ERC2: variants seen among roughly 807,000 people sequenced by gnomAD.
The protein encoded by ERC2 is ERC protein 2.
A neutral mutation model predicts 114.8 loss-of-function variants in ERC2; 42 were observed. That is an observed-to-expected ratio of 0.37 (90% confidence interval 0.29 to 0.47). ERC2 has a LOEUF of 0.47. Ranked by LOEUF, ERC2 falls within the 20% of genes least tolerant of loss-of-function variation. ERC2 has a pLI of 0.99. For synonymous variants in ERC2, 454 were observed against 425.5 expected (o/e 1.07, Z -0.82); for missense variants, 939 against 1,150.7 (o/e 0.82, Z 2.66).
intron 2 of ERC2, among the ~76,000 whole-genome samples, chr3:56,406,409 G>T (rs538728990): frequency 6.6e-6 from 1 of 152,248 alleles, no homozygotes; most frequent in Admixed American, 6.5e-5. Flanking sequence ...AGTCCCCAGG[G>T]ATGTACACAA....
chr3:55,581,077 C>T (rs1439053248), intron 17 of ERC2, among the ~76,000 whole-genome samples: 1 of 152,118 alleles, frequency 6.6e-6, no homozygotes, highest in Non-Finnish European at 1.5e-5. Context: ...GTTTCAGGAG[C>T]CCAAATGTGC....
chr3:55,863,955 C>G (rs1156412884), intron 14 of ERC2, among the ~76,000 whole-genome samples: 1 of 149,380 alleles, frequency 6.7e-6, no homozygotes, highest in Admixed American at 6.6e-5. Flanking sequence ...AGTACCTATC[C>G]TCTCTGTAAC....
chr3:56,395,958 T>G (rs1216600789), intron 2 of ERC2, among the ~76,000 whole-genome samples: 1 of 152,160 alleles, frequency 6.6e-6, no homozygotes, highest in African/African-American at 2.4e-5. Flanking sequence ...GAACTCCAAG[T>G]GGATGCTAAG....
chr3:55,994,096 T>G (rs1340168675), intron 10 of ERC2, among the ~76,000 whole-genome samples: 1 of 152,184 alleles, frequency 6.6e-6, no homozygotes, highest in African/African-American at 2.4e-5. Flanking sequence ...TGTTAACCTC[T>G]CTTTCATTTT....
intron 2 of ERC2, among the ~76,000 whole-genome samples, chr3:56,415,941 C>G (rs2061135203): frequency 6.6e-6 from 1 of 152,338 alleles, no homozygotes. Flanking sequence ...TGAGTCATAA[C>G]AGCATTGACT....
chr3:56,156,607 T>C (rs2081736256), intron 4 of ERC2, among the ~76,000 whole-genome samples: 1 of 152,174 alleles, frequency 6.6e-6, no homozygotes. Context: ...TTGCAATATT[T>C]TAGCAACCAA....
intron 12 of ERC2, among the ~76,000 whole-genome samples, chr3:55,964,986 A>G (rs780803667): frequency 1.3e-5 from 2 of 152,198 alleles, no homozygotes; most frequent in African/African-American, 2.4e-5. Flanking sequence ...TAGCAGGAGA[A>G]TCTCCACTCT....
At chr3:56,414,966 G>A (rs952869023) in intron 2 of ERC2, among the ~76,000 whole-genome samples, 6 of 152,330 alleles carry the variant, frequency 3.9e-5, no homozygotes, top group East Asian at 1.9e-4. Context: ...AATGTCCTAC[G>A]TAAGGTAAGC....
At chr3:56,448,811 C>T (rs2062699441) in intron 1 of ERC2, among the ~76,000 whole-genome samples, 1 of 152,092 alleles carries the variant, frequency 6.6e-6, no homozygotes, top group Admixed American at 6.5e-5. Flanking sequence ...CGCGGTGGCT[C>T]ACACCTGTAA....
chr3:55,928,737 T>A (rs2065896238), intron 13 of ERC2, among the ~76,000 whole-genome samples: 1 of 152,188 alleles, frequency 6.6e-6, no homozygotes, highest in African/African-American at 2.4e-5. Flanking sequence ...GAGTCATAGT[T>A]TGACAACTTA....
intron 15 of ERC2, among the ~76,000 whole-genome samples, chr3:55,734,210 A>T (rs1424997674): frequency 6.6e-6 from 1 of 152,152 alleles, no homozygotes; most frequent in Admixed American, 6.5e-5. Context: ...GTGATTTTTT[A>T]AAAATAGAGT....
chr3:56,000,793 T>C (rs1168998039), intron 10 of ERC2, among the ~76,000 whole-genome samples: 2 of 151,712 alleles, frequency 1.3e-5, no homozygotes, highest in Non-Finnish European at 2.9e-5. Flanking sequence ...TGGCACATGT[T>C]TGTAGTCTCA....
chr3:56,283,940 T>C (rs1307947978), intron 3 of ERC2, among the ~76,000 whole-genome samples: 1 of 152,222 alleles, frequency 6.6e-6, no homozygotes, highest in African/African-American at 2.4e-5. Context: ...GGCCCCAGTG[T>C]GTGGCACTCC....
intron 1 of ERC2, among the ~76,000 whole-genome samples, chr3:56,441,328 A>T (rs76290181): frequency 6.6e-6 from 1 of 152,198 alleles, no homozygotes; most frequent in East Asian, 1.9e-4. Context: ...AATCAGCTGC[A>T]TGAATAACAG....
chr3:55,675,272 G>T (rs1277750437), intron 17 of ERC2, among the ~76,000 whole-genome samples: 1 of 152,190 alleles, frequency 6.6e-6, no homozygotes, highest in African/African-American at 2.4e-5. Context: ...ATGTTCATGG[G>T]GAAGCCACAA....
chr3:56,363,425 A>G (rs1047719114), intron 2 of ERC2, among the ~76,000 whole-genome samples: 1 of 152,204 alleles, frequency 6.6e-6, no homozygotes, highest in Non-Finnish European at 1.5e-5. Flanking sequence ...ATAAACCAGT[A>G]TCCTTATCCA....
chr3:55,790,208 G>A (rs1222579914), intron 14 of ERC2, among the ~76,000 whole-genome samples: 2 of 151,972 alleles, frequency 1.3e-5, no homozygotes, highest in African/African-American at 2.4e-5. Flanking sequence ...CTCTCAACAC[G>A]CTCCAGCCAT....
At position 55,888,375 on chromosome 3, in the gene ERC2, C is replaced by T. The variant is rs758961157; in HGVS notation, c.2564+14G>A. 2 of 1,613,614 alleles carry T rather than the reference C, an allele frequency of 1.2e-6. No homozygotes were observed. Among genetic ancestry groups the T allele is most frequent in the African/African-American group, 2.7e-5 (2 of 75,052 alleles). ...TAGAAGAGAGAGGCTACCAAAGCAGCAATGGGTACTCACTTCATCTCCAGG... is the reference window on the plus strand; with the variant it reads ...TAGAAGAGAGAGGCTACCAAAGCAGTAATGGGTACTCACTTCATCTCCAGG... On this transcript the variant is annotated intron_variant, in intron 14 of 17. Transcript: ENST00000288221.
At chr3:55,686,071 T>C (rs1389130186) in intron 16 of ERC2, among the ~76,000 whole-genome samples, 2 of 152,338 alleles carry the variant, frequency 1.3e-5, no homozygotes, top group East Asian at 1.9e-4. Context: ...TAATTAATTA[T>C]GATTGAAACA....
Sources: gnomAD v4.1 joint callset for allele counts (sites outside exome capture counted in the v4.1 genomes callset) on GRCh38, gnomAD v4.1.1 for gene constraint, MANE v1.5 for transcripts, NCBI Gene and HGNC (gene_info 2026-07-23, HGNC 2026-07-21) for gene names.